LNX1: variants seen among roughly 807,000 people sequenced by gnomAD.
LNX1 encodes the protein ligand of numb-protein X 1.
LNX1 carries 54 observed loss-of-function variants against 68.4 expected under a neutral mutation model. That is an observed-to-expected ratio of 0.79 (90% confidence interval 0.63 to 0.99). The LOEUF is 0.99. Among genes scored for constraint, LNX1 ranks in the 50% least tolerant of loss-of-function variants. The pLI is 0.00. For synonymous variants in LNX1, 336 were observed against 350.0 expected, an observed-to-expected ratio of 0.96 and a Z score of 0.45; for missense variants, 906 against 926.4, an observed-to-expected ratio of 0.98 and a Z score of 0.29.
intron 9 of LNX1, among the ~76,000 whole-genome samples, chr4:53,466,272 C>T (rs1722674147): frequency 6.6e-6 from 1 of 151,808 alleles, no homozygotes; most frequent in African/African-American, 2.4e-5. Flanking sequence ...AAATAGGCTA[C>T]TTCTCTAATT....
intron 6 of LNX1, among the ~76,000 whole-genome samples, chr4:53,486,184 T>C (rs139556428): frequency 4.6e-5 from 7 of 152,286 alleles, no homozygotes; most frequent in African/African-American, 1.7e-4. Flanking sequence ...CCCTCTCTCT[T>C]TTCCGCCCTG....
intron 9 of LNX1, among the ~76,000 whole-genome samples, chr4:53,468,144 C>T (rs968718159): frequency 3.9e-5 from 6 of 152,158 alleles, no homozygotes; most frequent in Non-Finnish European, 8.8e-5. Context: ...GCTGATCTCT[C>T]GGCAGAAACT....
chr4:53,461,088 T>A, intron 10 of LNX1, 46 bp from the exon 11 acceptor site: 1 of 1,496,136 alleles, frequency 6.7e-7, no homozygotes. Flanking sequence ...TTTAATTCGT[T>A]GCTGAAGTTA....
At chr4:53,464,214 C>A (rs1309660537) in intron 9 of LNX1, among the ~76,000 whole-genome samples, 1 of 151,900 alleles carries the variant, frequency 6.6e-6, no homozygotes, top group Non-Finnish European at 1.5e-5. Flanking sequence ...ACTTCCTGGC[C>A]CCAATTTATA....
Position 53,502,539 on chromosome 4 carries a change from T to C in LNX1, c.776-3696A>G, listed in dbSNP as rs1053101739. On this transcript the variant is annotated intron_variant, in intron 4 of 10. Transcript: ENST00000263925. The stretch of plus-strand genomic sequence containing the variant: ...TTGCTGGTAGAGAGTCTTGCCTTGA[T>C]GTTGATGGCTGCTGACTGATCACAG... 4.6e-5 allele frequency among the ~76,000 whole-genome samples: 7 copies of C among 152,228 alleles called. No homozygotes were observed. In the East Asian group the frequency reaches 5.8e-4, roughly 13 times the overall value.
chr4:53,606,333 A>G (rs984078514), intron 2 of LNX1, among the ~76,000 whole-genome samples: 1 of 152,204 alleles, frequency 6.6e-6, no homozygotes, highest in South Asian at 2.1e-4. Flanking sequence ...GGAAACCTAG[A>G]GGAAATGGCT....
intron 2 of LNX1, among the ~76,000 whole-genome samples, chr4:53,515,506 G>A (rs972169498): frequency 3.4e-5 from 5 of 146,738 alleles, no homozygotes; most frequent in Non-Finnish European, 7.5e-5. Flanking sequence ...TTCAATTTAA[G>A]GCCCCCACCC....
At chr4:53,642,725 G>A (rs55922219) in intron 1 of LNX1, among the ~76,000 whole-genome samples, 17,412 of 152,154 alleles carry the variant, frequency 0.11, 1,163 homozygotes, top group Non-Finnish European at 0.16. Context: ...GCAAGCCTGC[G>A]GGGTCTGAGG....
chr4:53,613,392 T>C (rs1421861738), intron 2 of LNX1, among the ~76,000 whole-genome samples: 1 of 152,048 alleles, frequency 6.6e-6, no homozygotes, highest in African/African-American at 2.4e-5. Context: ...GTGCAGGATG[T>C]GCAGTTTCAT....
chr4:53,609,885 G>C (rs1296819851), intron 2 of LNX1, among the ~76,000 whole-genome samples: 1 of 148,772 alleles, frequency 6.7e-6, no homozygotes, highest in Non-Finnish European at 1.5e-5. Flanking sequence ...TAACTATATA[G>C]CATATAATTT....
rs568160318 is a variant in LNX1, at chr4:53,500,011, T to C, written c.776-1168A>G. 372 of 152,388 alleles carry C rather than the reference T, an allele frequency of 2.4e-3. 2 individuals carry two copies. Among genetic ancestry groups the C allele is most frequent in the Non-Finnish European group, 4.4e-3 (300 of 68,064 alleles). 9.4% of individuals were successfully genotyped at this position (152,388 alleles called of 1,614,324 possible). A position where few individuals can be genotyped will look rare whatever the true frequency, so the allele number is the denominator to read the frequency against. On this transcript the variant is annotated intron_variant, in intron 4 of 10. Coordinates refer to ENST00000263925, the MANE Select transcript of LNX1 (RefSeq NM_001126328.3). ...ACCACACAGAAAACAGCTGCTCTAA[T>C]TGTCCTGCTGCTTGACAGTGATAGT...
At chr4:53,568,016 C>G (rs1425974877) in intron 2 of LNX1, among the ~76,000 whole-genome samples, 2 of 152,032 alleles carry the variant, frequency 1.3e-5, no homozygotes. Flanking sequence ...AGCTTACCAA[C>G]CAAAAGGAGT....
rs1299346353 is a variant in LNX1 at position 53,652,020 on chromosome 4, T to TGTGAGAGA, written c.-215+147_-215+148insTCTCTCAC. Reference sequence around the variant, plus strand: ...CTCTCCTCAATTTGATGTGTGTGTGTGAGAGAGAGAGAGAGAGAGAGAGAG... The same window carrying TGTGAGAGA: ...CTCTCCTCAATTTGATGTGTGTGTGTGTGAGAGAGAGAGAGAGAGAGAGAGAGAGAGAG... On this transcript the variant is annotated intron_variant, in intron 1 of 2. Transcript: ENST00000507168. 151 of 106,974 alleles carry TGTGAGAGA rather than the reference T, an allele frequency of 1.4e-3. No individual in the cohort carries two copies. In the South Asian group the frequency reaches 0.024, roughly 17 times the overall value. The allele number at this position is 106,974 out of a possible 1,614,324, so 6.6% of individuals were successfully genotyped here.
chr4:53,463,097 TTAAAA>T (rs1722308464), intron 9 of LNX1, among the ~76,000 whole-genome samples: 3 of 152,186 alleles, frequency 2.0e-5, no homozygotes, highest in Admixed American at 2.0e-4. Flanking sequence ...GTTTGATTCT[TTAAAA>T]TAGATAAATG....
intron 2 of LNX1, among the ~76,000 whole-genome samples, chr4:53,572,531 A>G (rs1731232597): frequency 6.6e-6 from 1 of 152,228 alleles, no homozygotes; most frequent in Non-Finnish European, 1.5e-5. Context: ...GACCTAAGGT[A>G]TGTGACCTTT....
chr4:53,512,707 T>A (rs2109538038), intron 2 of LNX1, among the ~76,000 whole-genome samples: 1 of 152,302 alleles, frequency 6.6e-6, no homozygotes, highest in South Asian at 2.1e-4. Context: ...ATTTATGTAT[T>A]CTTTCTTTCA....
rs539097934 is a variant in LNX1, at chr4:53,616,876, C to T, written c.-283-291G>A. On this transcript the variant is annotated intron_variant, in intron 1 of 3. Transcript: ENST00000504299. ...GCAAACACCCTGGCTTGAAATGTAGCTAGCTGTGTGGTTACTGATGTTTAA... is the reference window on the plus strand; with the variant it reads ...GCAAACACCCTGGCTTGAAATGTAGTTAGCTGTGTGGTTACTGATGTTTAA... Among the ~76,000 whole-genome samples, 203 of 152,250 alleles carry T rather than the reference C, an allele frequency of 1.3e-3. 1 individual carries two copies. The highest frequency in any genetic ancestry group is 4.6e-3 in the African/African-American group (193 of 41,560).
intron 2 of LNX1, among the ~76,000 whole-genome samples, chr4:53,516,507 T>C (rs554245805): frequency 6.6e-6 from 1 of 152,088 alleles, no homozygotes; most frequent in South Asian, 2.1e-4. Context: ...TTGGGGTAAT[T>C]GGAGAAGGCT....
In LNX1 at chr4:53,476,752, C is replaced by T; in HGVS notation, c.1892+1G>A. 1.3e-5 allele frequency: 21 copies of T among 1,613,336 alleles called. No individual in the cohort carries two copies. The highest frequency in any genetic ancestry group is 1.8e-5 in the Non-Finnish European group (21 of 1,179,300). On this transcript the variant is annotated splice_donor_variant, in intron 9 of 10. Transcript: ENST00000263925. LOFTEE classifies it high-confidence loss of function. ...TACAGGGATGTTGTGTTTGGACTTACCGTGGTAATTCCAGCCACATGACCC... is the reference window on the plus strand; with the variant it reads ...TACAGGGATGTTGTGTTTGGACTTATCGTGGTAATTCCAGCCACATGACCC...
Sources: allele counts gnomAD v4.1 joint callset (sites outside exome capture counted in the v4.1 genomes callset), GRCh38; gene constraint gnomAD v4.1.1; transcripts MANE v1.5; gene names NCBI Gene and HGNC (gene_info 2026-07-23, HGNC 2026-07-21).